Variants in RTN4RL1 observed in about 807,000 individuals in gnomAD.
RTN4RL1 encodes the protein reticulon 4 receptor like 1.
Under a neutral mutation model 25.6 loss-of-function variants are expected in RTN4RL1, and 7 were observed. The ratio of observed to expected loss-of-function variants is 0.27; its 90% CI spans 0.16 to 0.51. The LOEUF (loss-of-function observed/expected upper bound fraction) is 0.51, where lower values mean the gene tolerates loss of function less well. RTN4RL1 is among the 20% of genes least tolerant of loss of function. RTN4RL1 has a pLI of 0.97. For missense variants in RTN4RL1, 500 were observed against 615.6 expected (o/e 0.81, Z 1.99); for synonymous variants, 297 against 288.2 (o/e 1.03, Z -0.31).
At chr17:1,961,773 CAAAAAAAAA>C (rs1163170575) in intron 1 of RTN4RL1, among the ~76,000 whole-genome samples, 37 of 55,596 alleles carry the variant, frequency 6.7e-4, no homozygotes, top group East Asian at 3.2e-3. Context: ...ACTAAAAATA[CAAAAAAAAA>C]AAAAAAAAAA....
intron 1 of RTN4RL1, among the ~76,000 whole-genome samples, chr17:1,962,863 G>GAAA (rs367639702): frequency 2.6e-5 from 3 of 114,846 alleles, no homozygotes; most frequent in African/African-American, 3.5e-5. Context: ...CTCGATCTCA[G>GAAA]AAAAAAAAAA....
chr17:2,011,454 T>C (rs2067048803), intron 1 of RTN4RL1, among the ~76,000 whole-genome samples: 2 of 151,968 alleles, frequency 1.3e-5, no homozygotes, highest in Admixed American at 1.3e-4. Flanking sequence ...AAGCCAGGAA[T>C]TGGAGGCACC....
chr17:2,009,367 G>A (rs2067026412), intron 1 of RTN4RL1, among the ~76,000 whole-genome samples: 1 of 151,912 alleles, frequency 6.6e-6, no homozygotes, highest in Non-Finnish European at 1.5e-5. Context: ...GCCTGAGGTG[G>A]GCAGATCATG....
intron 1 of RTN4RL1, chr17:2,020,107 C>T (rs181543738): frequency 5.3e-5 from 8 of 152,256 alleles, no homozygotes; most frequent in African/African-American, 1.7e-4. Flanking sequence ...AGGAGAGAAG[C>T]TGTTTTGGTG....
At chr17:1,997,885 G>C (rs1408791822) in intron 1 of RTN4RL1, among the ~76,000 whole-genome samples, 16 of 152,256 alleles carry the variant, frequency 1.1e-4, no homozygotes, top group Admixed American at 9.8e-4. Flanking sequence ...TCTGAGAAGG[G>C]AGGTGACAAG....
intron 1 of RTN4RL1, among the ~76,000 whole-genome samples, chr17:2,003,875 A>C (rs760608160): frequency 4.6e-5 from 7 of 151,458 alleles, no homozygotes; most frequent in Non-Finnish European, 1.0e-4. Context: ...GTTCGAGACC[A>C]GCCTGGCCAA....
intron 1 of RTN4RL1, among the ~76,000 whole-genome samples, chr17:1,947,338 C>T (rs1426247307): frequency 6.6e-6 from 1 of 152,224 alleles, no homozygotes; most frequent in African/African-American, 2.4e-5. Flanking sequence ...GAAACACATG[C>T]CTGTCTCGGG....
intron 1 of RTN4RL1, among the ~76,000 whole-genome samples, chr17:1,997,393 A>G (rs979527046): frequency 3.9e-5 from 6 of 152,198 alleles, no homozygotes; most frequent in African/African-American, 1.4e-4. Context: ...CAAGTACAAT[A>G]TCACATTAAC....
Position 1,936,473 on chromosome 17 carries a change from C to T in RTN4RL1, c.*23G>A, listed in dbSNP as rs1419024237. The T allele has an allele frequency of 1.3e-6, 2 of 1,524,340 alleles. No homozygotes were observed. Among genetic ancestry groups the T allele is most frequent in the Non-Finnish European group, 1.8e-6 (2 of 1,142,092 alleles). 94.4% of individuals were successfully genotyped at this position (1,524,340 alleles called of 1,614,324 possible). The stretch of plus-strand genomic sequence containing the variant: ...GTTCCTTGGTGGACATGTGGCAGTG[C>T]TGGGTGCTGACGCCCTGGGTCCTCA... On this transcript the variant is annotated 3_prime_UTR_variant, in exon 2 of 2. Coordinates refer to ENST00000331238, the MANE Select transcript of RTN4RL1 (RefSeq NM_178568.4).
chr17:1,947,979 C>A (rs992914226), intron 1 of RTN4RL1, among the ~76,000 whole-genome samples: 2 of 152,192 alleles, frequency 1.3e-5, no homozygotes, highest in East Asian at 3.9e-4. Flanking sequence ...GTGATGATTA[C>A]GTTACTGCTA....
intron 1 of RTN4RL1, among the ~76,000 whole-genome samples, chr17:1,978,262 C>T (rs139626395): frequency 4.9e-4 from 74 of 152,382 alleles, no homozygotes; most frequent in Non-Finnish European, 8.5e-4. Context: ...CCGACCCGTG[C>T]AAGCGGCCTC....
In RTN4RL1 at chr17:1,935,388, A is replaced by G; in HGVS notation, c.*1108T>C. 4.6e-6 allele frequency: 1 copy of G among 216,250 alleles called. No homozygotes were observed. Among genetic ancestry groups the G allele is most frequent in the Non-Finnish European group, 7.9e-6 (1 of 126,288 alleles). 13.4% of individuals were successfully genotyped at this position (216,250 alleles called of 1,614,324 possible). ...GACAGCAGGGGTGACAGGGCGCTCCAGGGTGGCAGACAGGCTTGTGTTGCA... is the reference window on the plus strand; with the variant it reads ...GACAGCAGGGGTGACAGGGCGCTCCGGGGTGGCAGACAGGCTTGTGTTGCA... On this transcript the variant is annotated 3_prime_UTR_variant, in exon 2 of 2. Transcript: ENST00000331238.
In RTN4RL1 at chr17:2,007,194, C is replaced by T. The variant is rs191741678; in HGVS notation, c.13+17659G>A. Among the ~76,000 whole-genome samples, 17 of 152,134 alleles carry T rather than the reference C, an allele frequency of 1.1e-4. No homozygotes were observed. In the East Asian group the frequency reaches 1.2e-3, roughly 10 times the overall value. The stretch of plus-strand genomic sequence containing the variant: ...TGGCCCAAATCAGAAGCAAGGGGTA[C>T]GCCTTTCCTCATACTCCAGCCACAG... On this transcript the variant is annotated intron_variant, in intron 1 of 1. Coordinates refer to ENST00000331238, the MANE Select transcript of RTN4RL1 (RefSeq NM_178568.4).
chr17:1,951,714 A>G (rs1915684582), intron 1 of RTN4RL1, among the ~76,000 whole-genome samples: 1 of 151,940 alleles, frequency 6.6e-6, no homozygotes, highest in South Asian at 2.1e-4. Flanking sequence ...CGGCCTCCCA[A>G]AGTGCTGGGA....
chr17:1,982,689 G>A (rs751102004), intron 1 of RTN4RL1, among the ~76,000 whole-genome samples: 10 of 152,188 alleles, frequency 6.6e-5, no homozygotes, highest in Non-Finnish European at 1.0e-4. Context: ...CCGGGCCCTC[G>A]ACGCCGTGCA....
In RTN4RL1 at chr17:1,936,944, A is replaced by G. The variant is rs1355983520; in HGVS notation, c.878T>C (p.Leu293Pro). The change falls in exon 2 of 2, where the codon CTG becomes CCG. Residue 293 changes from leucine to proline, a missense_variant. By Grantham distance (98) the Leu-to-Pro change is moderately conservative. Transcript: ENST00000331238. ...GAAGTCCTCGGCCCTCAGCAGCTTC[A>G]GGTCCTGGCCGTGCCGCAGCCCAGG... is the stretch of plus-strand genomic sequence containing the variant. ...VSPGLRHGQD[L>P]KLLRAEDFRN... 1 of 1,609,376 alleles carries G rather than the reference A, an allele frequency of 6.2e-7. No homozygotes were observed. The highest frequency in any genetic ancestry group is 8.5e-7 in the Non-Finnish European group (1 of 1,178,904).
At chr17:2,002,088 TGAG>T (rs2066961931) in intron 1 of RTN4RL1, among the ~76,000 whole-genome samples, 1 of 151,604 alleles carries the variant, frequency 6.6e-6, no homozygotes, top group Non-Finnish European at 1.5e-5. Context: ...TGGGGGATGA[TGAG>T]GAGAAAGAAA....
At chr17:1,992,518 T>C (rs1297990547) in intron 1 of RTN4RL1, among the ~76,000 whole-genome samples, 5 of 152,176 alleles carry the variant, frequency 3.3e-5, no homozygotes, top group Admixed American at 2.6e-4. Flanking sequence ...AGCTTAAGGA[T>C]ACAGTGCCTG....
chr17:1,948,006 C>T (rs951393827), intron 1 of RTN4RL1, among the ~76,000 whole-genome samples: 2 of 152,182 alleles, frequency 1.3e-5, no homozygotes, highest in Non-Finnish European at 2.9e-5. Flanking sequence ...CCAGAGGGAG[C>T]TGCCCCCACT....
Sources: gnomAD v4.1 joint callset for allele counts (sites outside exome capture counted in the v4.1 genomes callset) on GRCh38, gnomAD v4.1.1 for gene constraint, MANE v1.5 for transcripts, NCBI Gene and HGNC (gene_info 2026-07-23, HGNC 2026-07-21) for gene names.